The following ZNF618 variants were observed in gnomAD, a reference collection of about 807,000 sequenced individuals.
The protein encoded by ZNF618 is zinc finger protein 618.
Under a neutral mutation model 103.0 loss-of-function variants are expected in ZNF618, and 34 were observed. That is an observed-to-expected ratio of 0.33 (90% CI 0.25 to 0.44). The LOEUF is 0.44. Ranked by LOEUF, ZNF618 falls within the 20% of genes least tolerant of loss-of-function variation. The pLI, the probability that ZNF618 is intolerant of heterozygous loss-of-function variation, is 1.00. For synonymous variants in ZNF618, 551 were observed against 542.2 expected, an observed-to-expected ratio of 1.02 and a Z score of -0.23; for missense variants, 1,059 against 1,295.4, an observed-to-expected ratio of 0.82 and a Z score of 2.80.
intron 1 of ZNF618, 30 bp downstream of exon 1, chr9:113,876,443 C>T (rs1171120408): frequency 1.3e-5 from 16 of 1,198,066 alleles, no homozygotes; most frequent in Middle Eastern, 6.5e-4. Flanking sequence ...GCATGCACCG[C>T]GCGGGGGACC....
At chr9:113,889,395 T>A (rs1829411821) in intron 1 of ZNF618, among the ~76,000 whole-genome samples, 2 of 150,296 alleles carry the variant, frequency 1.3e-5, no homozygotes, top group South Asian at 2.1e-4. Context: ...AGAGGCTTCA[T>A]ATATGGCTAG....
intron 1 of ZNF618, among the ~76,000 whole-genome samples, chr9:113,905,346 A>G (rs1308011745): frequency 6.6e-6 from 1 of 152,158 alleles, no homozygotes; most frequent in Non-Finnish European, 1.5e-5. Context: ...CTTGCTATTC[A>G]GCCTTGTTCA....
intron 1 of ZNF618, among the ~76,000 whole-genome samples, chr9:113,960,681 C>T (rs1332079415): frequency 2.6e-5 from 4 of 152,214 alleles, no homozygotes; most frequent in Admixed American, 1.3e-4. Context: ...GGAAACTTGG[C>T]CAGTCAATCA....
chr9:113,952,629 A>G (rs1835887615), intron 1 of ZNF618, among the ~76,000 whole-genome samples: 3 of 152,176 alleles, frequency 2.0e-5, no homozygotes, highest in Non-Finnish European at 4.4e-5. Context: ...GCTGCTAACT[A>G]GCTGTATGAT....
chr9:113,927,225 A>G (rs1410813319), intron 1 of ZNF618, among the ~76,000 whole-genome samples: 2 of 152,162 alleles, frequency 1.3e-5, no homozygotes, highest in East Asian at 3.8e-4. Context: ...GTATTAGGTA[A>G]AAGGAACTGA....
At chr9:113,973,045 C>G (rs550585809) in intron 2 of ZNF618, among the ~76,000 whole-genome samples, 8 of 152,218 alleles carry the variant, frequency 5.3e-5, no homozygotes, top group African/African-American at 9.6e-5. Flanking sequence ...CCACTGCACT[C>G]CAGCCTGGAC....
chr9:113,939,402 A>T (rs1834346421), intron 1 of ZNF618, among the ~76,000 whole-genome samples: 2 of 152,104 alleles, frequency 1.3e-5, no homozygotes, highest in African/African-American at 2.4e-5. Flanking sequence ...ATTTGCTAAC[A>T]TTTATATAGG....
At chr9:114,039,839 C>T (rs1049315221) in intron 13 of ZNF618, among the ~76,000 whole-genome samples, 2 of 152,210 alleles carry the variant, frequency 1.3e-5, no homozygotes, top group Admixed American at 6.5e-5. Context: ...TTTTCCATCC[C>T]TGTCAGAAAT....
intron 13 of ZNF618, among the ~76,000 whole-genome samples, chr9:114,038,885 A>G (rs897268937): frequency 6.6e-6 from 1 of 152,204 alleles, no homozygotes; most frequent in Non-Finnish European, 1.5e-5. Flanking sequence ...AAAGTATCCA[A>G]TAGCATTTGA....
chr9:113,966,619 T>A (rs1481758192), intron 1 of ZNF618, among the ~76,000 whole-genome samples: 1 of 152,252 alleles, frequency 6.6e-6, no homozygotes, highest in African/African-American at 2.4e-5. Context: ...ACTTTGGCTC[T>A]GTCGTCATGG....
At chr9:114,017,589 G>T (rs1193826267) in intron 10 of ZNF618, among the ~76,000 whole-genome samples, 1 of 152,174 alleles carries the variant, frequency 6.6e-6, no homozygotes, top group Non-Finnish European at 1.5e-5. Context: ...TGACAGGGGT[G>T]GGGCTTGTGC....
At chr9:113,996,221 T>A (rs1840577689) in intron 3 of ZNF618, among the ~76,000 whole-genome samples, 1 of 152,170 alleles carries the variant, frequency 6.6e-6, no homozygotes, top group South Asian at 2.1e-4. Context: ...TCCTGTTGCA[T>A]GTTTGAACAG....
At chr9:113,998,029 C>T (rs1564275620) in intron 3 of ZNF618, among the ~76,000 whole-genome samples, 1 of 152,220 alleles carries the variant, frequency 6.6e-6, no homozygotes, top group Non-Finnish European at 1.5e-5. Context: ...ATAGAGAAAA[C>T]ACAAAACTGA....
At chr9:114,012,544 G>C (rs570232185) in intron 9 of ZNF618, among the ~76,000 whole-genome samples, 29 of 152,270 alleles carry the variant, frequency 1.9e-4, no homozygotes, top group African/African-American at 7.0e-4. Context: ...TCAGTCCATA[G>C]CATGACCCCT....
intron 6 of ZNF618, among the ~76,000 whole-genome samples, chr9:114,006,471 G>A (rs1441831901): frequency 2.0e-5 from 3 of 152,208 alleles, no homozygotes; most frequent in South Asian, 2.1e-4. Flanking sequence ...CAGTGCAAAC[G>A]TTAGAGTGTG....
chr9:113,923,644 G>C (rs1832836222), intron 1 of ZNF618, among the ~76,000 whole-genome samples: 1 of 152,020 alleles, frequency 6.6e-6, no homozygotes, highest in Non-Finnish European at 1.5e-5. Flanking sequence ...CATTTGGTCA[G>C]GGCATACACT....
At chr9:113,994,072 A>G (rs1840332297) in intron 3 of ZNF618, among the ~76,000 whole-genome samples, 1 of 152,162 alleles carries the variant, frequency 6.6e-6, no homozygotes, top group South Asian at 2.1e-4. Context: ...TTCTGCAAGG[A>G]TGTTTCTAGG....
intron 1 of ZNF618, among the ~76,000 whole-genome samples, chr9:113,944,440 C>T (rs1834823818): frequency 6.6e-6 from 1 of 152,216 alleles, no homozygotes; most frequent in African/African-American, 2.4e-5. Context: ...CCACACCCAG[C>T]TAAATTTTTT....
chr9:114,017,118 A>C, intron 10 of ZNF618, among the ~76,000 whole-genome samples: 1 of 152,270 alleles, frequency 6.6e-6, no homozygotes, highest in South Asian at 2.1e-4. Context: ...CACAAGGTTT[A>C]TGAATCTCCA....
Sources: gnomAD v4.1 joint callset for allele counts (sites outside exome capture counted in the v4.1 genomes callset) on GRCh38, gnomAD v4.1.1 for gene constraint, MANE v1.5 for transcripts, NCBI Gene and HGNC (gene_info 2026-07-23, HGNC 2026-07-21) for gene names.